IL1RAPL2: variants seen among roughly 807,000 people sequenced by gnomAD.
IL1RAPL2 encodes X-linked interleukin-1 receptor accessory protein-like 2.
IL1RAPL2 carries 3 observed loss-of-function variants against 44.1 expected under a neutral mutation model. That is an observed-to-expected ratio of 0.07 (90% CI 0.03 to 0.18). The LOEUF is 0.18. Among genes scored for constraint, IL1RAPL2 ranks in the 10% least tolerant of loss-of-function variants. The pLI is 1.00. For missense variants in IL1RAPL2, 391 were observed against 496.4 expected (o/e 0.79, Z 2.02); for synonymous variants, 181 against 178.8 (o/e 1.01, Z -0.10).
At chrX:104,632,873 C>T (rs1194032212) in intron 1 of IL1RAPL2, among the ~76,000 whole-genome samples, 1 of 110,769 alleles carries the variant, frequency 9.0e-6, no homozygotes, top group Non-Finnish European at 1.9e-5. Flanking sequence ...ACTTCCAACA[C>T]TATGTTGAAT....
At chrX:105,444,414 C>T (rs140125018) in intron 5 of IL1RAPL2, among the ~76,000 whole-genome samples, 3,501 of 110,696 alleles carry the variant, frequency 0.032, 153 homozygotes, top group African/African-American at 0.11. Context: ...GAAACTTTTG[C>T]CCAGACCAAT....
intron 6 of IL1RAPL2, among the ~76,000 whole-genome samples, chrX:105,548,992 AG>A (rs762476165): frequency 3.6e-4 from 40 of 112,215 alleles, no homozygotes; most frequent in African/African-American, 1.2e-3. Context: ...GTTGTTAGGA[AG>A]ATCATCCATA....
At chrX:105,010,470 G>T (rs1025427986) in intron 2 of IL1RAPL2, among the ~76,000 whole-genome samples, 10 of 111,555 alleles carry the variant, frequency 9.0e-5, no homozygotes, top group African/African-American at 3.2e-4. Context: ...TTCTTTTAAT[G>T]TTTATATATT....
chrX:105,382,558 G>A (rs2035441258), intron 5 of IL1RAPL2, among the ~76,000 whole-genome samples: 1 of 103,806 alleles, frequency 9.6e-6, no homozygotes, highest in African/African-American at 3.9e-5. Context: ...GGAAGTCAGT[G>A]TGGCGATTCC....
At chrX:105,642,816 CG>C (rs2037578464) in intron 6 of IL1RAPL2, among the ~76,000 whole-genome samples, 1 of 112,534 alleles carries the variant, frequency 8.9e-6, no homozygotes, top group Non-Finnish European at 1.9e-5. Context: ...CACAACTATT[CG>C]TAGCTGATTA....
intron 2 of IL1RAPL2, among the ~76,000 whole-genome samples, chrX:105,168,557 C>G (rs1034499086): frequency 9.2e-5 from 10 of 108,267 alleles, no homozygotes; most frequent in Non-Finnish European, 1.9e-4. Flanking sequence ...TGGAGACTGA[C>G]AAGTCCTAAA....
chrX:105,214,699 A>G (rs781942672), intron 3 of IL1RAPL2, among the ~76,000 whole-genome samples: 2 of 112,001 alleles, frequency 1.8e-5, no homozygotes, highest in Non-Finnish European at 3.8e-5. Context: ...CATAGCACGT[A>G]CTCTAAAATT....
At chrX:105,029,856 A>C (rs2031451628) in intron 2 of IL1RAPL2, among the ~76,000 whole-genome samples, 1 of 111,608 alleles carries the variant, frequency 9.0e-6, no homozygotes, top group Admixed American at 9.5e-5. Flanking sequence ...GAACTAGTTT[A>C]CAGCCCCACC....
chrX:105,576,173 T>C (rs1379474721), intron 6 of IL1RAPL2, among the ~76,000 whole-genome samples: 1 of 111,483 alleles, frequency 9.0e-6, no homozygotes, highest in African/African-American at 3.3e-5. Context: ...TAGATCCCAT[T>C]GTCAGTTTTT....
chrX:104,770,366 T>C (rs1385681314), intron 2 of IL1RAPL2, among the ~76,000 whole-genome samples: 4 of 111,560 alleles, frequency 3.6e-5, no homozygotes, highest in African/African-American at 1.3e-4. Context: ...GAGATGTAAG[T>C]CATCCTATGT....
chrX:105,371,936 G>A (rs1400281097), intron 5 of IL1RAPL2, among the ~76,000 whole-genome samples: 2 of 111,542 alleles, frequency 1.8e-5, no homozygotes, highest in Non-Finnish European at 3.8e-5. Context: ...AGTAGTTGAG[G>A]AAGGTATAAT....
chrX:105,659,421 G>A lies in IL1RAPL2; in HGVS notation c.773-57946G>A, dbSNP rs997194925. ...GCCTGTAATCCCAGCACTTTGGGAG[G>A]CCGAGGCGGGCGGATCACGAGGTCA... On this transcript the variant is annotated intron_variant, in intron 6 of 10. Coordinates refer to ENST00000372582, the MANE Select transcript of IL1RAPL2 (RefSeq NM_017416.2). Among the ~76,000 whole-genome samples, 6 of 110,861 alleles carry A rather than the reference G, an allele frequency of 5.4e-5. No individual in the cohort carries two copies. The East Asian group carries it at 1.7e-3, about 32-fold the overall frequency.
chrX:104,951,391 G>A lies in IL1RAPL2; in HGVS notation c.83-244084G>A, dbSNP rs185386904. 2.9e-4 allele frequency among the ~76,000 whole-genome samples: 33 copies of A among 112,105 alleles called. 1 individual carries two copies. The highest frequency in any genetic ancestry group is 1.1e-3 in the African/African-American group (33 of 30,893). ...TAAACCTAATAGTCAGGAAATGTAA[G>A]ACCTAAAATTTTGAGATTCTATTTT... On this transcript the variant is annotated intron_variant, in intron 2 of 10. Coordinates refer to ENST00000372582, the MANE Select transcript of IL1RAPL2 (RefSeq NM_017416.2).
At chrX:104,663,387 A>G (rs1327360799) in intron 2 of IL1RAPL2, among the ~76,000 whole-genome samples, 1 of 111,198 alleles carries the variant, frequency 9.0e-6, no homozygotes, top group Admixed American at 9.6e-5. Flanking sequence ...CATGCTTTGA[A>G]CCCTCAAAGG....
chrX:105,017,266 T>C (rs924010496), intron 2 of IL1RAPL2, among the ~76,000 whole-genome samples: 2 of 111,210 alleles, frequency 1.8e-5, no homozygotes, highest in Non-Finnish European at 3.8e-5. Flanking sequence ...GCTGGATCCA[T>C]TGATTTTTGG....
intron 1 of IL1RAPL2, among the ~76,000 whole-genome samples, chrX:104,582,163 C>T (rs1928360153): frequency 8.9e-6 from 1 of 112,237 alleles, no homozygotes; most frequent in Non-Finnish European, 1.9e-5. Context: ...CTGCTATGTA[C>T]ACAACTACAA....
chrX:105,426,002 T>G (rs968727279), intron 5 of IL1RAPL2, among the ~76,000 whole-genome samples: 1 of 107,663 alleles, frequency 9.3e-6, no homozygotes, highest in Admixed American at 1.0e-4. Context: ...GTAATTTTCT[T>G]GTTTATTTTT....
chrX:104,610,158 A>G (rs984991347), intron 1 of IL1RAPL2, among the ~76,000 whole-genome samples: 12 of 110,850 alleles, frequency 1.1e-4, no homozygotes, highest in African/African-American at 3.6e-4. Context: ...ATCTATGACA[A>G]ACCCACAGCC....
chrX:104,692,668 A>G, intron 2 of IL1RAPL2, among the ~76,000 whole-genome samples: 1 of 111,193 alleles, frequency 9.0e-6, no homozygotes, highest in Admixed American at 9.6e-5. Context: ...TACAAAGGAC[A>G]TGAACTCATC....
Sources: gnomAD v4.1 joint callset for allele counts (sites outside exome capture counted in the v4.1 genomes callset) on GRCh38, gnomAD v4.1.1 for gene constraint, MANE v1.5 for transcripts, NCBI Gene and HGNC (gene_info 2026-07-23, HGNC 2026-07-21) for gene names.